The following ERCC3 variants were observed in gnomAD, a reference collection of about 807,000 sequenced individuals.
ERCC3 encodes the protein general transcription and DNA repair factor IIH helicase/translocase subunit XPB.
A neutral mutation model predicts 94.2 loss-of-function variants in ERCC3; 66 were observed. The observed-to-expected ratio is 0.70, with a 90% confidence interval of 0.57 to 0.86. The LOEUF is 0.86. Ranked by LOEUF, ERCC3 falls within the 40% of genes least tolerant of loss-of-function variation. The probability of loss-of-function intolerance (pLI) is 0.00; values close to 1 mark genes in which losing one functional copy is unlikely to be tolerated. For missense variants in ERCC3, 829 were observed against 987.1 expected (o/e 0.84, Z 2.15); for synonymous variants, 349 against 369.1 (o/e 0.95, Z 0.63).
Position 127,258,558 on chromosome 2 carries a change from C to CT in ERCC3, c.2217+737dup, listed in dbSNP as rs1684093315. Among the ~76,000 whole-genome samples, 1 of 152,136 alleles carries CT rather than the reference C, an allele frequency of 6.6e-6. No individual in the cohort carries two copies. The highest frequency in any genetic ancestry group is 2.1e-4 in the South Asian group (1 of 4,832). ...TGGGTCGGGGGAGGAAAGCCTTAGG[C>CT]TGGAGGGAGGGCAGCCCCTTCCCAG... is the stretch of plus-strand genomic sequence containing the variant. On this transcript the variant is annotated intron_variant, in intron 14 of 14. Coordinates refer to ENST00000285398, the MANE Select transcript of ERCC3 (RefSeq NM_000122.2). The surrounding 1 kb of genome is among the most constrained non-coding windows in gnomAD (Gnocchi z 4.1).
chr2:127,286,545 CAAA>C (rs111463049), intron 8 of ERCC3, among the ~76,000 whole-genome samples, 155 bp downstream of exon 8: 1 of 125,772 alleles, frequency 8.0e-6, no homozygotes, highest in Non-Finnish European at 1.7e-5. Context: ...GACTCCCTCT[CAAA>C]AAAAAAAAAA....
Position 127,271,754 on chromosome 2 carries a change from G to C in ERCC3, c.1828-301C>G, listed in dbSNP as rs1684559637. ...AGAGATGAGAGGGCCCTTGAACAGA[G>C]ACTGACTTTGAGTCATTCATTTTTT... On this transcript the variant is annotated intron_variant, in intron 11 of 14. Transcript: ENST00000285398. This position sits in a 1 kb window ranked among gnomAD's most constrained non-coding sequence, Gnocchi z 5.0. 6.6e-6 allele frequency among the ~76,000 whole-genome samples: 1 copy of C among 152,138 alleles called. No homozygotes were observed. Among genetic ancestry groups the C allele is most frequent in the South Asian group, 2.1e-4 (1 of 4,828 alleles).
rs1684064213 is a variant in ERCC3, at chr2:127,257,777, C to T, written c.2218-50G>A. ...ATGTTAGTCTCCAGAAGAAAAGATA[C>T]TCCTTTTATAATACTTATAATCACA... On this transcript the variant is annotated intron_variant, in intron 14 of 14. Coordinates refer to ENST00000285398, the MANE Select transcript of ERCC3 (RefSeq NM_000122.2). The surrounding 1 kb of genome is among the most constrained non-coding windows in gnomAD (Gnocchi z 5.4). The T allele has an allele frequency of 3.7e-6, 6 of 1,607,158 alleles. No homozygotes were observed. The highest frequency in any genetic ancestry group is 4.3e-6 in the Non-Finnish European group (5 of 1,173,856).
At chr2:127,293,943 G>C in intron 1 of ERCC3, 111 bp downstream of exon 1, 1 of 1,537,956 alleles carries the variant, frequency 6.5e-7, no homozygotes, top group African/African-American at 1.4e-5. Context: ...GGTGCGCGCG[G>C]GAGGGCCAGC....
At chr2:127,282,139 G>C (rs1050350874) in intron 8 of ERCC3, among the ~76,000 whole-genome samples, 2 of 152,116 alleles carry the variant, frequency 1.3e-5, no homozygotes, top group African/African-American at 4.8e-5. Flanking sequence ...TCAGGATATA[G>C]AGAACCAGGC....
Position 127,279,397 on chromosome 2 carries a change from G to C in ERCC3, c.1528-22C>G. 1.9e-6 allele frequency: 3 copies of C among 1,568,612 alleles called. No individual in the cohort carries two copies. Among genetic ancestry groups the C allele is most frequent in the Non-Finnish European group, 2.6e-6 (3 of 1,138,560 alleles). On this transcript the variant is annotated intron_variant, in intron 9 of 14. Coordinates refer to ENST00000285398, the MANE Select transcript of ERCC3 (RefSeq NM_000122.2). The surrounding 1 kb of genome is among the most constrained non-coding windows in gnomAD (Gnocchi z 4.7). ...AGACCTGTAATACAGTAAGAACCAG[G>C]GGTCATTTTACAAGTTTAAACACCA...
intron 12 of ERCC3, among the ~76,000 whole-genome samples, chr2:127,265,416 A>G (rs970247070): frequency 6.6e-6 from 1 of 151,814 alleles, no homozygotes; most frequent in Admixed American, 6.6e-5. Flanking sequence ...CAGTCCATCA[A>G]TCTTATTTAT....
chr2:127,258,527 G>GC lies in ERCC3; in HGVS notation c.2217+768dup, dbSNP rs1684092041. Among the ~76,000 whole-genome samples, 1 of 152,132 alleles carries GC rather than the reference G, an allele frequency of 6.6e-6. No homozygotes were observed. Among genetic ancestry groups the GC allele is most frequent in the Non-Finnish European group, 1.5e-5 (1 of 68,000 alleles). ...ACTCTCCTGGGTTCCCATGGAGAGT[G>GC]CCCCCTGGGTCGGGGGAGGAAAGCC... is the stretch of plus-strand genomic sequence containing the variant. On this transcript the variant is annotated intron_variant, in intron 14 of 14. Coordinates refer to ENST00000285398, the MANE Select transcript of ERCC3 (RefSeq NM_000122.2). This position sits in a 1 kb window ranked among gnomAD's most constrained non-coding sequence, Gnocchi z 4.1.
At chr2:127,288,598 G>A in intron 7 of ERCC3, 62 bp downstream of exon 7, 2 of 1,380,174 alleles carry the variant, frequency 1.4e-6, no homozygotes, top group East Asian at 2.3e-5. Flanking sequence ...GAGAAAGCGG[G>A]AGGCAGCTGG....
rs1304706419 is a variant in ERCC3, at chr2:127,280,512, G to T, written c.1462C>A (p.Leu488Ile). Residue 488 changes from leucine (L) to isoleucine (I), a missense_variant, in exon 9 of 15, where the codon CTC becomes ATC. Leu to Ile is a conservative substitution (Grantham distance 5, BLOSUM62 2). Transcript: ENST00000285398. This position sits in a 1 kb window ranked among gnomAD's most constrained non-coding sequence, Gnocchi z 6.3. ...AGCTCCATCCAGTTGGCTTCGTAGA[G>T]CTTAGGCCCAATCAGAAAATTTAAA... ...VDLNFLIGPK[L>I]YEANWMELQN... The T allele has an allele frequency of 6.2e-6, 10 of 1,613,914 alleles. No homozygotes were observed. Among genetic ancestry groups the T allele is most frequent in the Admixed American group, 1.7e-5 (1 of 59,982 alleles).
Position 127,279,201 on chromosome 2 carries a change from G to A in ERCC3, c.1702C>T (p.Leu568=), listed in dbSNP as rs545926053. ...IIVFADNVFA[L]KEYAIRLNKP... ...TTCAGTCGAATGGCATATTCCTTTA[G>A]GGCAAACACATTGTCAGCAAAGACA... The change falls in exon 10 of 15, where the codon CTA becomes TTA. Residue 568 remains leucine (L), a synonymous_variant. Coordinates refer to ENST00000285398, the MANE Select transcript of ERCC3 (RefSeq NM_000122.2). The surrounding 1 kb of genome is among the most constrained non-coding windows in gnomAD (Gnocchi z 4.7). 1.2e-6 allele frequency: 2 copies of A among 1,613,316 alleles called. No homozygotes were observed. Among genetic ancestry groups the A allele is most frequent in the African/African-American group, 2.7e-5 (2 of 74,906 alleles).
chr2:127,290,126 G>C (rs1441913288), intron 4 of ERCC3, 98 bp downstream of exon 4: 1 of 1,015,750 alleles, frequency 9.8e-7, no homozygotes, highest in African/African-American at 1.6e-5. Context: ...TCACAGAAAA[G>C]ACAGCATAAA....
intron 12 of ERCC3, among the ~76,000 whole-genome samples, chr2:127,268,830 T>C (rs142922805): frequency 6.6e-6 from 1 of 152,348 alleles, no homozygotes; most frequent in Non-Finnish European, 1.5e-5. Context: ...TTGCTTAAAT[T>C]AATAACTTTT....
chr2:127,265,160 T>A (rs1051501778), intron 12 of ERCC3, among the ~76,000 whole-genome samples: 4 of 152,182 alleles, frequency 2.6e-5, no homozygotes, highest in Non-Finnish European at 4.4e-5. Flanking sequence ...TATTTTTTTT[T>A]TAAATTACTG....
At chr2:127,276,771 G>GA (rs4150472) in intron 10 of ERCC3, among the ~76,000 whole-genome samples, 115,149 of 151,956 alleles carry the variant, frequency 0.76, 43,853 homozygotes, top group East Asian at 1. Flanking sequence ...CACGATGAAA[G>GA]AAAAACATTA....
At chr2:127,267,551 T>C (rs1428238176) in intron 12 of ERCC3, among the ~76,000 whole-genome samples, 2 of 152,172 alleles carry the variant, frequency 1.3e-5, no homozygotes, top group African/African-American at 2.4e-5. Context: ...TTGTTTTTAA[T>C]CCAATTTGCC....
Position 127,289,709 on chromosome 2 carries a change from T to A in ERCC3, c.637A>T (p.Thr213Ser). 1 of 1,614,074 alleles carries A rather than the reference T, an allele frequency of 6.2e-7. No homozygotes were observed. The highest frequency in any genetic ancestry group is 8.5e-7 in the Non-Finnish European group (1 of 1,179,994). Residue 213 changes from threonine (T) to serine (S), a missense_variant, in exon 5 of 15, where the codon ACT (threonine) becomes TCT (serine). Thr to Ser is a moderately conservative substitution (Grantham distance 58). Transcript: ENST00000285398. ...CATACGGCAGATTTGCTTGTGAAAG[T>A]CTCTGTGATGAGCTCAGTGGCCTCC... ...EGEATELITETFTSKSAISKT... is the reference protein window; with the variant it reads ...EGEATELITESFTSKSAISKT...
At position 127,284,357 on chromosome 2, in the gene ERCC3, A is replaced by G. The variant is rs1347573096; in HGVS notation, c.1342+2346T>C. The G allele has an allele frequency of 6.6e-6, 1 of 152,276 alleles. No homozygotes were observed. The allele number at this position is 152,276 out of a possible 1,614,324, so 9.4% of individuals were successfully genotyped here. ...CTACAAGACCTGCCCCAATACCGCT[A>G]ATCTTCCTCAGCCTTGACTACTGTT... On this transcript the variant is annotated intron_variant, in intron 8 of 14. Coordinates refer to ENST00000285398, the MANE Select transcript of ERCC3 (RefSeq NM_000122.2). The surrounding 1 kb of genome is among the most constrained non-coding windows in gnomAD (Gnocchi z 4.1).
At chr2:127,267,342 C>T (rs1684406302) in intron 12 of ERCC3, among the ~76,000 whole-genome samples, 2 of 151,858 alleles carry the variant, frequency 1.3e-5, no homozygotes, top group South Asian at 2.1e-4. Flanking sequence ...CATTTATCAT[C>T]GTGTAATGAC....
Sources: gnomAD v4.1 joint callset for allele counts (sites outside exome capture counted in the v4.1 genomes callset) on GRCh38, gnomAD v4.1.1 for gene constraint, Gnocchi (gnomAD v3.1) non-coding constraint, MANE v1.5 for transcripts, NCBI Gene and HGNC (gene_info 2026-07-23, HGNC 2026-07-21) for gene names.